ABTB2: variants seen among roughly 807,000 people sequenced by gnomAD.
The protein encoded by ABTB2 is ankyrin repeat and BTB domain containing 2.
In ABTB2, 56 loss-of-function variants were observed where a neutral mutation model predicts 104.1. That is an observed-to-expected ratio of 0.54 (90% CI 0.43 to 0.67). The LOEUF (loss-of-function observed/expected upper bound fraction) is 0.67, where lower values mean the gene tolerates loss of function less well. ABTB2 is among the 30% of genes least tolerant of loss of function. The pLI is 0.00. For synonymous variants in ABTB2, 606 were observed against 608.2 expected, an observed-to-expected ratio of 1.00 and a Z score of 0.05; for missense variants, 1,279 against 1,407.7, an observed-to-expected ratio of 0.91 and a Z score of 1.46.
At chr11:34,190,992 G>C (rs1853168305) in intron 3 of ABTB2, among the ~76,000 whole-genome samples, 1 of 152,204 alleles carries the variant, frequency 6.6e-6, no homozygotes, top group African/African-American at 2.4e-5. Flanking sequence ...CCATTTTACT[G>C]ATGAGGAAAC....
At chr11:34,267,223 C>T (rs949873409) in intron 1 of ABTB2, among the ~76,000 whole-genome samples, 6 of 152,188 alleles carry the variant, frequency 3.9e-5, no homozygotes, top group Non-Finnish European at 8.8e-5. Flanking sequence ...GCTCGAGAGG[C>T]GGCAGCCCTC....
At chr11:34,293,778 G>A (rs146630947) in intron 1 of ABTB2, among the ~76,000 whole-genome samples, 5,751 of 152,132 alleles carry the variant, frequency 0.038, 134 homozygotes, top group Non-Finnish European at 0.059. Context: ...AGGCTGGAGT[G>A]CAATGGCACA....
rs142391398 is a variant in ABTB2, at chr11:34,160,950, C to G, written c.2350G>C (p.Val784Leu). ...IREEEYNEEL[V>L]TEGLQLMFDI... ...AACATGAGCTGCAAGCCCTCGGTCA[C>G]CAGCTCCTCGTTGTACTCCTCCTCT... The change falls in exon 11 of 17, where the codon GTG becomes CTG. Residue 784 changes from valine (V) to leucine (L), a missense_variant. Physicochemically the swap from Val to Leu is conservative, Grantham distance 32. Coordinates refer to ENST00000435224, the MANE Select transcript of ABTB2 (RefSeq NM_145804.3). 105 of 1,613,310 alleles carry G rather than the reference C, an allele frequency of 6.5e-5. No individual in the cohort carries two copies. In the African/African-American group the frequency reaches 1.2e-3, roughly 18 times the overall value.
At chr11:34,167,497 G>A in intron 6 of ABTB2, 137 bp from the exon 7 acceptor site, 1 of 767,072 alleles carries the variant, frequency 1.3e-6, no homozygotes, top group South Asian at 1.6e-5. Context: ...AAGTGGACAA[G>A]GCTCAAAAAG....
chr11:34,289,971 C>T (rs1854549244), intron 1 of ABTB2, among the ~76,000 whole-genome samples: 1 of 152,236 alleles, frequency 6.6e-6, no homozygotes, highest in Non-Finnish European at 1.5e-5. Context: ...ATAGTCCTCA[C>T]TCTCCCCAGT....
At chr11:34,187,566 T>C (rs1173284860) in intron 3 of ABTB2, among the ~76,000 whole-genome samples, 2 of 151,132 alleles carry the variant, frequency 1.3e-5, no homozygotes, top group Middle Eastern at 3.2e-3. Flanking sequence ...GGTGAGATCA[T>C]AGCTCACAGC....
chr11:34,157,707 C>T (rs549118369), intron 14 of ABTB2, among the ~76,000 whole-genome samples: 2 of 152,348 alleles, frequency 1.3e-5, no homozygotes, highest in East Asian at 3.9e-4. Flanking sequence ...CCTCCTCCCA[C>T]ATCCGTCAGT....
chr11:34,170,912 A>C lies in ABTB2; in HGVS notation c.1557T>G (p.Asp519Glu), dbSNP rs747980663. 13 of 1,613,324 alleles carry C rather than the reference A, an allele frequency of 8.1e-6. No homozygotes were observed. The highest frequency in any genetic ancestry group is 8.5e-7 in the Non-Finnish European group (1 of 1,179,726). ...TGGAGCTCTCAGGACGTACCTGGTCATCCATGGTGTTAACCCCATCCGGAC... is the reference window on the plus strand; with the variant it reads ...TGGAGCTCTCAGGACGTACCTGGTCCTCCATGGTGTTAACCCCATCCGGAC... The part of the protein sequence containing the change: ...ALGPDGVNTM[D>E]DQGMTPLMYA... The change falls in exon 5 of 17, where the codon GAT becomes GAG. Residue 519 changes from aspartate (D) to glutamate (E), a missense_variant. Transcript: ENST00000435224.
chr11:34,309,196 T>G (rs763006560), intron 1 of ABTB2, among the ~76,000 whole-genome samples: 13 of 152,216 alleles, frequency 8.5e-5, no homozygotes, highest in South Asian at 4.1e-4. Context: ...CAAAGTAAGA[T>G]TAGCCACTGT....
intron 1 of ABTB2, among the ~76,000 whole-genome samples, chr11:34,329,941 A>G (rs2133116217): frequency 6.6e-6 from 1 of 152,342 alleles, no homozygotes; most frequent in East Asian, 1.9e-4. Flanking sequence ...GGAAATGAGA[A>G]TGATGCACTG....
Position 34,154,165 on chromosome 11 carries a change from C to T in ABTB2, c.2880+100G>A. On this transcript the variant is annotated intron_variant, in intron 16 of 16. Transcript: ENST00000435224. This position sits in a 1 kb window ranked among gnomAD's most constrained non-coding sequence, Gnocchi z 4.9. The stretch of plus-strand genomic sequence containing the variant: ...CTGCCCTCAGAAGCAGCCTGGTCAC[C>T]TGCATCTCCTAGCTCATCCCCAGTG... 6 of 908,194 alleles carry T rather than the reference C, an allele frequency of 6.6e-6. No individual in the cohort carries two copies. The highest frequency in any genetic ancestry group is 2.0e-5 in the Admixed American group (1 of 49,760). The allele number at this position is 908,194 out of a possible 1,614,324, so 56.3% of individuals were successfully genotyped here. A position where few individuals can be genotyped will look rare whatever the true frequency, so the allele number is the denominator to read the frequency against.
chr11:34,338,723 A>G (rs1855224581), intron 1 of ABTB2, among the ~76,000 whole-genome samples: 2 of 152,104 alleles, frequency 1.3e-5, no homozygotes, highest in African/African-American at 4.8e-5. Context: ...AAAAAAACAG[A>G]TGTCTTAGCC....
Position 34,357,164 on chromosome 11 carries a change from G to A in ABTB2, c.420C>T (p.Ala140=). ...GLLRRALIRV[A]REAQRLSVLH... ...GCACGCTCAGGCGCTGCGCCTCGCG[G>A]GCCACGCGGATCAGTGCCCTGCGGA... The change falls in exon 1 of 17, where the codon GCC becomes GCT. Residue 140 remains alanine (A), a synonymous_variant. Transcript: ENST00000435224. 6.7e-7 allele frequency: 1 copy of A among 1,496,114 alleles called. No individual in the cohort carries two copies. Among genetic ancestry groups the A allele is most frequent in the South Asian group, 1.3e-5 (1 of 78,208 alleles). The allele number at this position is 1,496,114 out of a possible 1,614,324, so 92.7% of individuals were successfully genotyped here. A position where few individuals can be genotyped will look rare whatever the true frequency, so the allele number is the denominator to read the frequency against.
chr11:34,196,238 C>G (rs151298787), intron 3 of ABTB2, among the ~76,000 whole-genome samples: 11 of 152,244 alleles, frequency 7.2e-5, no homozygotes, highest in African/African-American at 2.6e-4. Flanking sequence ...AAAAGGCAGC[C>G]CTCAGAGAAA....
chr11:34,289,775 A>C (rs1201248375), intron 1 of ABTB2, among the ~76,000 whole-genome samples: 1 of 152,196 alleles, frequency 6.6e-6, no homozygotes, highest in Non-Finnish European at 1.5e-5. Flanking sequence ...AGACCCTCAG[A>C]CCAGAACAAA....
intron 1 of ABTB2, among the ~76,000 whole-genome samples, chr11:34,229,804 G>A (rs888432025): frequency 6.6e-6 from 1 of 152,216 alleles, no homozygotes. Flanking sequence ...ATTGATACTT[G>A]TTAAATATTG....
At chr11:34,272,302 C>CAAAAAAAAAAA (rs60997940) in intron 1 of ABTB2, among the ~76,000 whole-genome samples, 17 of 80,742 alleles carry the variant, frequency 2.1e-4, no homozygotes, top group African/African-American at 5.3e-4. Flanking sequence ...CAGGAAGCTG[C>CAAAAAAAAAAA]AAAAAAAAAA....
intron 1 of ABTB2, among the ~76,000 whole-genome samples, chr11:34,250,333 T>C (rs1195193816): frequency 1.3e-5 from 2 of 152,216 alleles, no homozygotes; most frequent in Non-Finnish European, 2.9e-5. Flanking sequence ...CAGACTGCAA[T>C]CTGTAGGGCC....
intron 1 of ABTB2, among the ~76,000 whole-genome samples, chr11:34,206,890 G>A (rs576691722): frequency 2.0e-4 from 30 of 152,182 alleles, no homozygotes; most frequent in Non-Finnish European, 3.5e-4. Flanking sequence ...CTCCTGGATG[G>A]CAGCGACCCC....
Sources: gnomAD v4.1 joint callset for allele counts (sites outside exome capture counted in the v4.1 genomes callset) on GRCh38, gnomAD v4.1.1 for gene constraint, Gnocchi (gnomAD v3.1) non-coding constraint, MANE v1.5 for transcripts, NCBI Gene and HGNC (gene_info 2026-07-23, HGNC 2026-07-21) for gene names.